The following FAM221A variants were observed in gnomAD, a reference collection of about 807,000 sequenced individuals.
FAM221A encodes the protein protein FAM221A.
In FAM221A, 43 loss-of-function variants were observed where a neutral mutation model predicts 37.6. That is an observed-to-expected ratio of 1.15 (90% CI 0.90 to 1.48). FAM221A has a LOEUF of 1.48. Ranked by LOEUF, FAM221A falls within the 40% of genes most tolerant of loss-of-function variation. FAM221A has a pLI of 0.00. For synonymous variants in FAM221A, 135 were observed against 132.9 expected (o/e 1.02, Z -0.11); for missense variants, 361 against 361.5 (o/e 1.00, Z 0.01).
At chr7:23,687,473 G>A (rs1784437787) in intron 2 of FAM221A, 1 of 152,038 alleles carries the variant, frequency 6.6e-6, no homozygotes, top group Non-Finnish European at 1.5e-5. Context: ...GTATAATGTA[G>A]CTGATGTAAG....
At chr7:23,684,824 CTG>C (rs1784270412) in intron 2 of FAM221A, 152 bp downstream of exon 2, 1 of 787,212 alleles carries the variant, frequency 1.3e-6, no homozygotes, top group Admixed American at 3.2e-5. Context: ...TGGCTCACAT[CTG>C]TGTTATCCCA....
intron 1 of FAM221A, among the ~76,000 whole-genome samples, chr7:23,681,993 T>TGGGA (rs893845191): frequency 4.6e-4 from 70 of 152,266 alleles, no homozygotes; most frequent in African/African-American, 1.6e-3. Flanking sequence ...ACTCACACTG[T>TGGGA]GGGAGGCCCT....
chr7:23,690,868 G>C (rs1351377992), intron 3 of FAM221A, among the ~76,000 whole-genome samples: 3 of 152,130 alleles, frequency 2.0e-5, no homozygotes, highest in African/African-American at 7.2e-5. Context: ...TAGAATCATA[G>C]AATATGTGGT....
At chr7:23,690,199 A>ATATATATATTT (rs774313037) in intron 3 of FAM221A, among the ~76,000 whole-genome samples, 492 of 48,642 alleles carry the variant, frequency 0.01, 13 homozygotes, top group South Asian at 0.021. Context: ...ATATATATAT[A>ATATATATATTT]TTTTTTTTTT....
chr7:23,699,078 G>A (rs1022150319), intron 5 of FAM221A, among the ~76,000 whole-genome samples: 1 of 150,706 alleles, frequency 6.6e-6, no homozygotes. Context: ...GGAAGCCCGA[G>A]TTCCTCAGTG....
intron 3 of FAM221A, among the ~76,000 whole-genome samples, chr7:23,690,199 A>ATATATATATATATATATTTT (rs774313037): frequency 3.5e-4 from 17 of 48,740 alleles, no homozygotes; most frequent in Non-Finnish European, 6.1e-4. Context: ...ATATATATAT[A>ATATATATATATATATATTTT]TTTTTTTTTT....
At chr7:23,691,261 C>A in intron 3 of FAM221A, 129 bp from the exon 4 acceptor site, 2 of 728,686 alleles carry the variant, frequency 2.7e-6, no homozygotes, top group Middle Eastern at 4.0e-4. Context: ...GGAAGGAGTT[C>A]GGTGGCTGGA....
intron 4 of FAM221A, chr7:23,692,488 T>G: frequency 4.8e-6 from 1 of 209,020 alleles, no homozygotes. Flanking sequence ...ATTACAGGCA[T>G]GCACCACCAC....
Position 23,700,736 on chromosome 7 carries a change from G to A in FAM221A, c.746-50G>A, listed in dbSNP as rs761868745. The stretch of plus-strand genomic sequence containing the variant: ...AAACTTTTCTTTCTTTTATTTCAGG[G>A]GAATATGTAATGATATAAATACATT... On this transcript the variant is annotated intron_variant, in intron 5 of 6. Transcript: ENST00000344962. The A allele has an allele frequency of 6.1e-6, 7 of 1,148,214 alleles. No homozygotes were observed. The Admixed American group carries it at 1.8e-4, about 29-fold the overall frequency. The allele number at this position is 1,148,214 out of a possible 1,614,324, so 71.1% of individuals were successfully genotyped here.
chr7:23,701,931 C>G (rs950571489), intron 6 of FAM221A, among the ~76,000 whole-genome samples, 165 bp from the exon 7 acceptor site: 2 of 152,148 alleles, frequency 1.3e-5, no homozygotes, highest in Admixed American at 6.5e-5. Flanking sequence ...ATAAAACCAT[C>G]TGAAAATGTG....
chr7:23,698,263 G>A lies in FAM221A; in HGVS notation c.709G>A (p.Ala237Thr). The change falls in exon 5 of 7, where the codon GCA (alanine) becomes ACA (threonine). Residue 237 changes from alanine (A) to threonine (T), a missense_variant. Physicochemically the swap from Ala to Thr is moderately conservative, Grantham distance 58 (BLOSUM62 0). Transcript: ENST00000344962. ...VDSPFLKAFQ[A>T]SSSSSPETLT... ...CAGCCCATTCCTAAAAGCATTTCAA[G>A]CATCATCTAGTTCTTCTCCAGAAAC... The A allele has an allele frequency of 1.3e-6, 2 of 1,593,336 alleles. No individual in the cohort carries two copies. Among genetic ancestry groups the A allele is most frequent in the Non-Finnish European group, 8.6e-7 (1 of 1,168,568 alleles).
chr7:23,685,699 C>G (rs932044219), intron 2 of FAM221A, among the ~76,000 whole-genome samples: 15 of 152,196 alleles, frequency 9.9e-5, no homozygotes, highest in Non-Finnish European at 2.9e-5. Context: ...TACAAATGGT[C>G]ATGTTCCAAG....
In FAM221A at chr7:23,690,192, TATA is replaced by T. The variant is rs1164010449; in HGVS notation, c.430+734_430+736del. On this transcript the variant is annotated intron_variant, in intron 3 of 6. Transcript: ENST00000344962. Reference sequence around the variant, plus strand: ...GTTCATATATATATATATATATATATATATATATTTTTTTTTTTTTTAATAGAG... The same window carrying T: ...GTTCATATATATATATATATATATATTATATTTTTTTTTTTTTTAATAGAG... Among the ~76,000 whole-genome samples, 127 of 56,372 alleles carry T rather than the reference TATA, an allele frequency of 2.3e-3. 1 individual carries two copies. The highest frequency in any genetic ancestry group is 9.5e-3 in the South Asian group (8 of 844). 37.0% of individuals were successfully genotyped at this position (56,372 alleles called of 152,430 possible).
intron 4 of FAM221A, among the ~76,000 whole-genome samples, chr7:23,695,631 C>G (rs1363366441): frequency 6.6e-6 from 1 of 152,184 alleles, no homozygotes; most frequent in Non-Finnish European, 1.5e-5. Flanking sequence ...CCTCGGCCTC[C>G]CAAAGAGCTG....
intron 2 of FAM221A, chr7:23,688,918 G>A (rs1489956739): frequency 1.3e-5 from 2 of 157,964 alleles, no homozygotes; most frequent in African/African-American, 4.8e-5. Flanking sequence ...TTACAGGCAT[G>A]AGCCACTGCG....
intron 2 of FAM221A, among the ~76,000 whole-genome samples, chr7:23,685,652 T>A (rs913822142): frequency 1.3e-5 from 2 of 152,246 alleles, no homozygotes; most frequent in African/African-American, 2.4e-5. Flanking sequence ...GCTGTGTCGA[T>A]ACCTTTCTTT....
At chr7:23,697,424 T>C (rs1399049635) in intron 4 of FAM221A, among the ~76,000 whole-genome samples, 1 of 152,238 alleles carries the variant, frequency 6.6e-6, no homozygotes, top group Non-Finnish European at 1.5e-5. Flanking sequence ...TCAATATATT[T>C]AGCAATTAGT....
chr7:23,695,217 T>C (rs1202128437), intron 4 of FAM221A, among the ~76,000 whole-genome samples: 1 of 152,116 alleles, frequency 6.6e-6, no homozygotes, highest in Non-Finnish European at 1.5e-5. Flanking sequence ...GGTCAAGTAA[T>C]CCTCCCACCT....
chr7:23,685,368 T>C (rs1028073032), intron 2 of FAM221A, among the ~76,000 whole-genome samples: 33 of 152,360 alleles, frequency 2.2e-4, no homozygotes, highest in African/African-American at 7.5e-4. Flanking sequence ...TCATATCTTA[T>C]TAGTGCTCAT....
Sources: allele counts gnomAD v4.1 joint callset (sites outside exome capture counted in the v4.1 genomes callset), GRCh38; gene constraint gnomAD v4.1.1; transcripts MANE v1.5; gene names NCBI Gene and HGNC (gene_info 2026-07-23, HGNC 2026-07-21).